The following LIFR variants were observed in gnomAD, a reference collection of about 807,000 sequenced individuals.
LIFR encodes LIF receptor subunit alpha, also known as leukemia inhibitory factor receptor.
In LIFR, 84 loss-of-function variants were observed where a neutral mutation model predicts 122.2. That is an observed-to-expected ratio of 0.69 (90% CI 0.58 to 0.82). The LOEUF is 0.82. Among genes scored for constraint, LIFR ranks in the 40% least tolerant of loss-of-function variants. LIFR has a pLI of 0.00. For synonymous variants in LIFR, 422 were observed against 434.7 expected, an observed-to-expected ratio of 0.97 and a Z score of 0.36; for missense variants, 1,294 against 1,311.6, an observed-to-expected ratio of 0.99 and a Z score of 0.21.
intron 5 of LIFR, among the ~76,000 whole-genome samples, chr5:38,513,797 T>C (rs781523047): frequency 2.0e-4 from 31 of 152,038 alleles, no homozygotes; most frequent in African/African-American, 3.1e-4. Flanking sequence ...GAAACCAAAG[T>C]TCCAATTAGA....
intron 10 of LIFR, 77 bp downstream of exon 10, chr5:38,503,899 A>T: frequency 3.0e-6 from 3 of 1,011,690 alleles, no homozygotes; most frequent in Non-Finnish European, 4.7e-6. Flanking sequence ...GAGCTTAAGC[A>T]TATCAATTTG....
At chr5:38,526,951 C>G (rs937942319) in intron 4 of LIFR, among the ~76,000 whole-genome samples, 2 of 152,094 alleles carry the variant, frequency 1.3e-5, no homozygotes, top group South Asian at 2.1e-4. Flanking sequence ...AGGGAAGGAG[C>G]CTGAATTCTG....
chr5:38,562,970 C>T (rs902619282), intron 1 of LIFR, among the ~76,000 whole-genome samples: 5 of 152,110 alleles, frequency 3.3e-5, no homozygotes, highest in African/African-American at 9.7e-5. Context: ...GGGTTTTCTT[C>T]GGGTACCTAA....
intron 2 of LIFR, 61 bp from the exon 3 acceptor site, chr5:38,528,901 G>A (rs1047130930): frequency 1.0e-6 from 1 of 983,054 alleles, no homozygotes; most frequent in African/African-American, 1.6e-5. Flanking sequence ...CACAGAATAT[G>A]CTGAATAAGT....
At position 38,523,486 on chromosome 5, in the gene LIFR, G is replaced by A; in HGVS notation, c.494C>T (p.Pro165Leu). The A allele has an allele frequency of 6.2e-7, 1 of 1,613,506 alleles. No homozygotes were observed. The highest frequency in any genetic ancestry group is 1.1e-5 in the South Asian group (1 of 90,988). Residue 165 changes from proline to leucine, a missense_variant, in exon 5 of 20, where the codon CCA becomes CTA. Physicochemically the swap from Pro to Leu is moderately conservative, Grantham distance 98. Transcript: ENST00000453190. The stretch of plus-strand genomic sequence containing the variant: ...TTCCCAGATAACATTTGAGCGGTGT[G>A]GAAAAACTGAACCCCTGTCGTTCCA... ...LKWNDRGSVFPHRSNVIWEIK... is the reference protein window; with the variant it reads ...LKWNDRGSVFLHRSNVIWEIK...
At chr5:38,514,744 T>A (rs1211315316) in intron 5 of LIFR, among the ~76,000 whole-genome samples, 3 of 152,190 alleles carry the variant, frequency 2.0e-5, no homozygotes, top group Non-Finnish European at 4.4e-5. Context: ...AAAATTTGCA[T>A]CTGTGCTAAA....
At chr5:38,545,466 T>G (rs1165073285) in intron 1 of LIFR, among the ~76,000 whole-genome samples, 1 of 151,394 alleles carries the variant, frequency 6.6e-6, no homozygotes, top group African/African-American at 2.4e-5. Context: ...GAAACTAAAA[T>G]TTTTTTTTGT....
At position 38,481,726 on chromosome 5, in the gene LIFR, C is replaced by A. The variant is rs1183538045; in HGVS notation, c.3163G>T (p.Val1055Phe). 2 of 1,614,058 alleles carry A rather than the reference C, an allele frequency of 1.2e-6. No homozygotes were observed. Among genetic ancestry groups the A allele is most frequent in the African/African-American group, 2.7e-5 (2 of 74,908 alleles). The change falls in exon 20 of 20, where the codon GTC (valine) becomes TTC (phenylalanine). Residue 1055 changes from valine (V) to phenylalanine (F), a missense_variant. Coordinates refer to ENST00000453190, the MANE Select transcript of LIFR (RefSeq NM_001127671.2). ...ATGGAGCATGGACTTCCAAATGAGA[C>A]AATCTCACTGTTGCTGTCTATGGAT... ...PRSIDSNSEI[V>F]SFGSPCSINS...
At position 38,490,191 on chromosome 5, in the gene LIFR, C is replaced by T. The variant is rs1024157320; in HGVS notation, c.2166G>A (p.Leu722=). 3.5e-6 allele frequency: 5 copies of T among 1,440,710 alleles called. No homozygotes were observed. Among genetic ancestry groups the T allele is most frequent in the Admixed American group, 1.7e-5 (1 of 57,718 alleles). 89.2% of individuals were successfully genotyped at this position (1,440,710 alleles called of 1,614,324 possible). A position where few individuals can be genotyped will look rare whatever the true frequency, so the allele number is the denominator to read the frequency against. Residue 722 remains leucine, a splice_region_variant and synonymous_variant, in exon 15 of 20, where the codon TTG becomes TTA. Transcript: ENST00000453190. ...TAAATAAGTACCCATTTAACTTACC[C>T]AATTCTTCTATATATCCAATCATGG... ...LRSMIGYIEE[L]APIVAPNFTV...
intron 1 of LIFR, among the ~76,000 whole-genome samples, chr5:38,531,125 T>C (rs527364806): frequency 6.6e-6 from 1 of 152,338 alleles, no homozygotes; most frequent in South Asian, 2.1e-4. Flanking sequence ...TTACATGGTG[T>C]TGGAAAGTTT....
Position 38,474,842 on chromosome 5 carries a change from T to C in LIFR, c.*6753A>G, listed in dbSNP as rs549239159. 1 of 153,312 alleles carries C rather than the reference T, an allele frequency of 6.5e-6. No individual in the cohort carries two copies. Among genetic ancestry groups the C allele is most frequent in the Non-Finnish European group, 1.5e-5 (1 of 68,740 alleles). 9.5% of individuals were successfully genotyped at this position (153,312 alleles called of 1,614,324 possible). The stretch of plus-strand genomic sequence containing the variant: ...AAAATACATCCATAGCGCTATGTGA[T>C]TGCTTTACAACCACTGTATTTCTTA... On this transcript the variant is annotated 3_prime_UTR_variant, in exon 20 of 20. Transcript: ENST00000453190.
chr5:38,481,381 T>G lies in LIFR; in HGVS notation c.*214A>C. ...CTTGATCACAAAGAGCTCCCAATCTTGAGTTTTGTGGATTGAGGATTCTGA... is the reference window on the plus strand; with the variant it reads ...CTTGATCACAAAGAGCTCCCAATCTGGAGTTTTGTGGATTGAGGATTCTGA... On this transcript the variant is annotated 3_prime_UTR_variant, in exon 20 of 20. Coordinates refer to ENST00000453190, the MANE Select transcript of LIFR (RefSeq NM_001127671.2). 1 of 596,352 alleles carries G rather than the reference T, an allele frequency of 1.7e-6. No individual in the cohort carries two copies. The highest frequency in any genetic ancestry group is 3.0e-6 in the Non-Finnish European group (1 of 337,178). The allele number at this position is 596,352 out of a possible 1,614,324, so 36.9% of individuals were successfully genotyped here.
rs749796645 is a variant in LIFR at position 38,490,305 on chromosome 5, A to G, written c.2066-14T>C. The G allele has an allele frequency of 1.7e-5, 20 of 1,148,024 alleles. No homozygotes were observed. The highest frequency in any genetic ancestry group is 2.4e-5 in the East Asian group (1 of 42,170). The allele number at this position is 1,148,024 out of a possible 1,614,324, so 71.1% of individuals were successfully genotyped here. On this transcript the variant is annotated splice_polypyrimidine_tract_variant and intron_variant, in intron 14 of 19. Transcript: ENST00000453190. ...GTCGAAACTCATCTATAGGATGAAC[A>G]TATCAGCAAACTTTCATAAATATAT...
In LIFR at chr5:38,478,313, G is replaced by A. The variant is rs772253717; in HGVS notation, c.*3282C>T. The A allele has an allele frequency of 5.4e-5, 11 of 204,328 alleles. No individual in the cohort carries two copies. Among genetic ancestry groups the A allele is most frequent in the East Asian group, 2.2e-4 (3 of 13,428 alleles). 12.7% of individuals were successfully genotyped at this position (204,328 alleles called of 1,614,324 possible). A position where few individuals can be genotyped will look rare whatever the true frequency, so the allele number is the denominator to read the frequency against. Reference sequence around the variant, plus strand: ...AATGTAATCTTTCAGATCCACGAGCGGTGAAAGTAATGCTGGTTTGGAAAA... The same window carrying A: ...AATGTAATCTTTCAGATCCACGAGCAGTGAAAGTAATGCTGGTTTGGAAAA... On this transcript the variant is annotated 3_prime_UTR_variant, in exon 20 of 20. Coordinates refer to ENST00000453190, the MANE Select transcript of LIFR (RefSeq NM_001127671.2).
In LIFR at chr5:38,506,196, C is replaced by T. The variant is rs1056925926; in HGVS notation, c.1122-122G>A. ...TAAATTTCTAATTAGAAGCATATTA[C>T]ATACTCAGAGAAGAAAATGTATGTG... On this transcript the variant is annotated intron_variant, in intron 8 of 19. Coordinates refer to ENST00000453190, the MANE Select transcript of LIFR (RefSeq NM_001127671.2). 4.4e-6 allele frequency: 3 copies of T among 676,850 alleles called. No individual in the cohort carries two copies. In the African/African-American group the frequency reaches 5.5e-5, roughly 12 times the overall value. 41.9% of individuals were successfully genotyped at this position (676,850 alleles called of 1,614,324 possible).
intron 1 of LIFR, among the ~76,000 whole-genome samples, chr5:38,551,623 T>C (rs1748205453): frequency 6.6e-6 from 1 of 152,162 alleles, no homozygotes; most frequent in Non-Finnish European, 1.5e-5. Context: ...ATCACCGCCT[T>C]GTGGCCTCTA....
chr5:38,489,900 T>G (rs1007075629), intron 15 of LIFR, among the ~76,000 whole-genome samples: 1 of 136,280 alleles, frequency 7.3e-6, no homozygotes, highest in Non-Finnish European at 1.5e-5. Context: ...GAGGCTGAGG[T>G]GGGAGGATCA....
At chr5:38,602,144 C>T (rs768126898) in intron 2 of LIFR, among the ~76,000 whole-genome samples, 3 of 152,150 alleles carry the variant, frequency 2.0e-5, no homozygotes, top group African/African-American at 7.2e-5. Flanking sequence ...GTTTCACAAC[C>T]TCCCAATCAG....
At chr5:38,548,454 G>A (rs149565959) in intron 1 of LIFR, among the ~76,000 whole-genome samples, 418 of 152,284 alleles carry the variant, frequency 2.7e-3, no homozygotes, top group African/African-American at 9.7e-3. Flanking sequence ...ATACTTAACT[G>A]CAGTAACTAT....
Sources: allele counts gnomAD v4.1 joint callset (sites outside exome capture counted in the v4.1 genomes callset), GRCh38; gene constraint gnomAD v4.1.1; transcripts MANE v1.5; gene names NCBI Gene and HGNC (gene_info 2026-07-23, HGNC 2026-07-21).